The following COQ8A variants were observed in gnomAD, a reference collection of about 807,000 sequenced individuals.
COQ8A encodes atypical kinase COQ8A, mitochondrial.
A neutral mutation model predicts 65.0 loss-of-function variants in COQ8A; 51 were observed. The ratio of observed to expected loss-of-function variants is 0.78; its 90% confidence interval spans 0.63 to 0.99. The LOEUF (loss-of-function observed/expected upper bound fraction) is 0.99, where lower values mean the gene tolerates loss of function less well. Among genes scored for constraint, COQ8A ranks in the 50% least tolerant of loss-of-function variants. The pLI is 0.00. For missense variants in COQ8A, 940 were observed against 875.0 expected, an observed-to-expected ratio of 1.07 and a Z score of -0.94; for synonymous variants, 371 against 353.2, an observed-to-expected ratio of 1.05 and a Z score of -0.57.
chr1:226,962,026 A>G (rs983660776), intron 2 of COQ8A, among the ~76,000 whole-genome samples: 1 of 152,168 alleles, frequency 6.6e-6, no homozygotes. Context: ...TCCCAATACT[A>G]TCACACTAGG....
intron 14 of COQ8A, 63 bp from the exon 15 acceptor site, chr1:226,986,390 G>A: frequency 3.2e-6 from 5 of 1,581,196 alleles, no homozygotes; most frequent in Non-Finnish European, 4.3e-6. Flanking sequence ...ACTGTGGGAG[G>A]AACCCGGGCT....
intron 5 of COQ8A, among the ~76,000 whole-genome samples, chr1:226,978,319 C>T (rs1659405709): frequency 6.9e-6 from 1 of 144,772 alleles, no homozygotes; most frequent in East Asian, 2.1e-4. Flanking sequence ...CACCACACAC[C>T]TGCACACCTC....
rs1558201509 is a variant in COQ8A at position 226,978,497 on chromosome 1, T to TCACACCCGCATA, written c.730+975_730+976insACACCCGCATAC. ...AAATACCTGCACACCTCCTTACACA[T>TCACACCCGCATA]CCTCCACACACCCACCGAACACCCA... On this transcript the variant is annotated intron_variant, in intron 5 of 14. Coordinates refer to ENST00000366777, the MANE Select transcript of COQ8A (RefSeq NM_020247.5). Among the ~76,000 whole-genome samples the TCACACCCGCATA allele has an allele frequency of 3.7e-5, 4 of 107,170 alleles. No homozygotes were observed. In the East Asian group the frequency reaches 1.4e-3, roughly 39 times the overall value. 70.3% of individuals were successfully genotyped at this position (107,170 alleles called of 152,430 possible). A position where few individuals can be genotyped will look rare whatever the true frequency, so the allele number is the denominator to read the frequency against.
chr1:226,986,248 C>T (rs1660104268), intron 14 of COQ8A, among the ~76,000 whole-genome samples: 1 of 152,222 alleles, frequency 6.6e-6, no homozygotes, highest in African/African-American at 2.4e-5. Context: ...CCCGCCACTC[C>T]CTTTTGTATC....
At position 226,946,477 on chromosome 1, in the gene COQ8A, C is replaced by G. The variant is rs1430224804; in HGVS notation, c.-10+6078C>G. On this transcript the variant is annotated intron_variant, in intron 1 of 14. Coordinates refer to ENST00000366777, the MANE Select transcript of COQ8A (RefSeq NM_020247.5). The surrounding 1 kb of genome is among the most constrained non-coding windows in gnomAD (Gnocchi z 5.3). The stretch of plus-strand genomic sequence containing the variant: ...GCGAGAGGTATCGCTGCAGAGGTGT[C>G]TGGGGCTCCACAGTGAAGGGCCTTG... Among the ~76,000 whole-genome samples, 4 of 152,226 alleles carry G rather than the reference C, an allele frequency of 2.6e-5. No individual in the cohort carries two copies. In the East Asian group the frequency reaches 7.7e-4, roughly 29 times the overall value.
chr1:226,947,347 C>A (rs1657102568), intron 1 of COQ8A, among the ~76,000 whole-genome samples: 1 of 152,062 alleles, frequency 6.6e-6, no homozygotes, highest in Admixed American at 6.5e-5. Flanking sequence ...CTTTAATTAT[C>A]CTATCAATGA....
chr1:226,965,561 G>A (rs962247940), intron 3 of COQ8A, 110 bp from the exon 4 acceptor site: 78 of 1,504,142 alleles, frequency 5.2e-5, no homozygotes, highest in Non-Finnish European at 7.0e-5. Context: ...GCTGTCAGGC[G>A]GAGCTGCTGA....
chr1:226,951,991 G>A (rs528017598), intron 1 of COQ8A, among the ~76,000 whole-genome samples: 5 of 152,312 alleles, frequency 3.3e-5, no homozygotes, highest in African/African-American at 1.2e-4. Flanking sequence ...AAAAGATGTG[G>A]TCACTGCACC....
Position 226,985,153 on chromosome 1 carries a change from G to C in COQ8A, c.1573-101G>C, listed in dbSNP as rs981031977. The C allele has an allele frequency of 3.1e-6, 4 of 1,294,976 alleles. No individual in the cohort carries two copies. The Admixed American group carries it at 6.8e-5, about 22-fold the overall frequency. 80.2% of individuals were successfully genotyped at this position (1,294,976 alleles called of 1,614,324 possible). ...GGCCGGGGGCCCTGTGCAGGGAGAG[G>C]ATGAGGGTGGGGTGGGCTCGGGTGT... On this transcript the variant is annotated intron_variant, in intron 13 of 14. Transcript: ENST00000366777.
chr1:226,978,024 C>G (rs998082701), intron 5 of COQ8A, among the ~76,000 whole-genome samples: 1 of 150,650 alleles, frequency 6.6e-6, no homozygotes, highest in African/African-American at 2.5e-5. Context: ...CCACCGAACA[C>G]CCACAGACCT....
intron 4 of COQ8A, among the ~76,000 whole-genome samples, chr1:226,976,021 C>T (rs1659170676): frequency 6.7e-6 from 1 of 148,614 alleles, no homozygotes; most frequent in Admixed American, 6.8e-5. Context: ...AGCCCTCTCC[C>T]CCAACAGCCC....
chr1:226,983,018 T>C lies in COQ8A; in HGVS notation c.1064T>C (p.Val355Ala). Reference protein sequence around the residue: ...HLARMKGGREVAMKIQYPGVA... With the variant: ...HLARMKGGREAAMKIQYPGVA... Reference sequence around the variant, plus strand: ...GCCCGAATGAAGGGCGGCCGCGAGGTGGCCATGAAGATCCAGGTAGGCGGC... The same window carrying C: ...GCCCGAATGAAGGGCGGCCGCGAGGCGGCCATGAAGATCCAGGTAGGCGGC... Residue 355 changes from valine to alanine, a missense_variant, in exon 8 of 15, where the codon GTG (valine) becomes GCG (alanine). Coordinates refer to ENST00000366777, the MANE Select transcript of COQ8A (RefSeq NM_020247.5). 2 of 1,590,348 alleles carry C rather than the reference T, an allele frequency of 1.3e-6. No individual in the cohort carries two copies. The highest frequency in any genetic ancestry group is 1.7e-6 in the Non-Finnish European group (2 of 1,169,560).
At chr1:226,978,581 C>A (rs1398300530) in intron 5 of COQ8A, among the ~76,000 whole-genome samples, 1 of 70,698 alleles carries the variant, frequency 1.4e-5, no homozygotes, top group East Asian at 3.3e-4. Flanking sequence ...CCACCTTACA[C>A]ACTCTCCACA....
At chr1:226,950,758 C>CTTT (rs5781453) in intron 1 of COQ8A, among the ~76,000 whole-genome samples, 1 of 149,442 alleles carries the variant, frequency 6.7e-6, no homozygotes, top group Non-Finnish European at 1.5e-5. Context: ...TAGTTGCTTG[C>CTTT]TTTTTTTTTT....
At chr1:226,980,048 G>T (rs1478167645) in intron 5 of COQ8A, among the ~76,000 whole-genome samples, 2 of 152,220 alleles carry the variant, frequency 1.3e-5, no homozygotes, top group Non-Finnish European at 2.9e-5. Flanking sequence ...GGCATTGTTA[G>T]CCCTGAGAGG....
chr1:226,960,616 ATGGTGG>A (rs777819893), intron 1 of COQ8A, among the ~76,000 whole-genome samples: 6 of 40,902 alleles, frequency 1.5e-4, no homozygotes, highest in South Asian at 8.1e-4. Context: ...GGCGGTGGTG[ATGGTGG>A]TGGTGGTGGT....
intron 1 of COQ8A, among the ~76,000 whole-genome samples, chr1:226,941,256 C>T (rs1222486838): frequency 6.6e-6 from 1 of 152,230 alleles, no homozygotes; most frequent in African/African-American, 2.4e-5. Flanking sequence ...TGCACGTTCA[C>T]TTGGGCCTTG....
At chr1:226,953,803 G>C (rs1657528567) in intron 1 of COQ8A, among the ~76,000 whole-genome samples, 1 of 152,212 alleles carries the variant, frequency 6.6e-6, no homozygotes, top group African/African-American at 2.4e-5. Flanking sequence ...CGAGATGTTT[G>C]AGTGATGCTC....
chr1:226,968,474 T>C (rs1658689439), intron 4 of COQ8A, among the ~76,000 whole-genome samples: 1 of 152,238 alleles, frequency 6.6e-6, no homozygotes, highest in African/African-American at 2.4e-5. Context: ...TTCACTACAA[T>C]GTGAAATATA....
Sources: gnomAD v4.1 joint callset for allele counts (sites outside exome capture counted in the v4.1 genomes callset) on GRCh38, gnomAD v4.1.1 for gene constraint, Gnocchi (gnomAD v3.1) non-coding constraint, MANE v1.5 for transcripts, NCBI Gene and HGNC (gene_info 2026-07-23, HGNC 2026-07-21) for gene names.